The following MAPKAP1 variants were observed in gnomAD, a reference collection of about 807,000 sequenced individuals.
MAPKAP1 encodes MAPK associated protein 1.
Under a neutral mutation model 65.7 loss-of-function variants are expected in MAPKAP1, and 20 were observed. The ratio of observed to expected loss-of-function variants is 0.30; its 90% confidence interval spans 0.21 to 0.44. The LOEUF is 0.44. Ranked by LOEUF, MAPKAP1 falls within the 20% of genes least tolerant of loss-of-function variation. MAPKAP1 has a pLI of 1.00. For synonymous variants in MAPKAP1, 222 were observed against 244.3 expected (o/e 0.91, Z 0.85); for missense variants, 423 against 648.0 (o/e 0.65, Z 3.77).
At chr9:125,456,630 C>T (rs983225883) in intron 10 of MAPKAP1, among the ~76,000 whole-genome samples, 2 of 152,232 alleles carry the variant, frequency 1.3e-5, no homozygotes, top group African/African-American at 2.4e-5. Context: ...CTAGCACTCT[C>T]TCACTCTTGC....
At chr9:125,594,388 G>A (rs375200228) in intron 4 of MAPKAP1, among the ~76,000 whole-genome samples, 21 of 152,128 alleles carry the variant, frequency 1.4e-4, no homozygotes, top group Non-Finnish European at 2.8e-4. Context: ...GCACAGACTC[G>A]GGGTCAGCTA....
intron 5 of MAPKAP1, among the ~76,000 whole-genome samples, chr9:125,562,609 ATT>A (rs1474929560): frequency 1.3e-5 from 2 of 152,202 alleles, no homozygotes; most frequent in Non-Finnish European, 2.9e-5. Context: ...CTACTGTGAT[ATT>A]TTGACTTCTA....
In MAPKAP1 at chr9:125,441,111, T is replaced by TA. The variant is rs1351902520; in HGVS notation, c.1444-2100dup. The stretch of plus-strand genomic sequence containing the variant: ...AAAACTGGCACAATTTTATGCACTA[T>TA]AGAGTGTTTCATTTTCAACGCATTT... On this transcript the variant is annotated intron_variant, in intron 11 of 11. Transcript: ENST00000265960. 2.0e-5 allele frequency among the ~76,000 whole-genome samples: 3 copies of TA among 152,354 alleles called. No homozygotes were observed. In the South Asian group the frequency reaches 6.2e-4, roughly 32 times the overall value.
In MAPKAP1 at chr9:125,458,827, C is replaced by T. The variant is rs1194892090; in HGVS notation, c.1345+9145G>A. Among the ~76,000 whole-genome samples the T allele has an allele frequency of 2.7e-3, 202 of 74,836 alleles. 1 individual carries two copies. The highest frequency in any genetic ancestry group is 3.9e-3 in the Non-Finnish European group (142 of 36,028). 49.1% of individuals were successfully genotyped at this position (74,836 alleles called of 152,430 possible). A position where few individuals can be genotyped will look rare whatever the true frequency, so the allele number is the denominator to read the frequency against. The stretch of plus-strand genomic sequence containing the variant: ...GGCGCCCCTCACCTCCCGGACGGGG[C>T]GGCTGGCCGGGTGGGGGGCTGACCC... On this transcript the variant is annotated intron_variant, in intron 10 of 11. Transcript: ENST00000265960.
At chr9:125,691,216 G>A (rs549433504) in intron 1 of MAPKAP1, among the ~76,000 whole-genome samples, 13 of 152,064 alleles carry the variant, frequency 8.5e-5, no homozygotes, top group Non-Finnish European at 1.9e-4. Context: ...AGCCGAGATC[G>A]CGCCACTGCA....
chr9:125,554,794 C>CAAAAA (rs56911891), intron 6 of MAPKAP1, among the ~76,000 whole-genome samples: 29 of 65,570 alleles, frequency 4.4e-4, no homozygotes, highest in African/African-American at 5.8e-4. Flanking sequence ...AGACACTTAT[C>CAAAAA]AAAAAAAAAA....
chr9:125,445,755 G>C (rs916129282), intron 10 of MAPKAP1, among the ~76,000 whole-genome samples: 1 of 152,254 alleles, frequency 6.6e-6, no homozygotes, highest in African/African-American at 2.4e-5. Flanking sequence ...CCGGCCTATC[G>C]GCACTGTTAT....
rs187366850 is a variant in MAPKAP1, at chr9:125,479,186, A to G, written c.1207+5257T>C. On this transcript the variant is annotated intron_variant, in intron 9 of 11. Transcript: ENST00000265960. ...GTGCTTGGCACACAGTAAGCACTTG[A>G]TAATAACTGCTTTGTAAAAATTCTA... is the stretch of plus-strand genomic sequence containing the variant. 1.2e-4 allele frequency among the ~76,000 whole-genome samples: 19 copies of G among 152,362 alleles called. 1 individual carries two copies. In the East Asian group the frequency reaches 3.5e-3, roughly 28 times the overall value.
At chr9:125,517,776 CA>C (rs764363633) in intron 7 of MAPKAP1, among the ~76,000 whole-genome samples, 16 of 152,304 alleles carry the variant, frequency 1.1e-4, no homozygotes, top group Admixed American at 6.5e-4. Flanking sequence ...ATCCTTTTGG[CA>C]TATCCCCTCC....
At chr9:125,526,761 T>C (rs2133127574) in intron 7 of MAPKAP1, among the ~76,000 whole-genome samples, 1 of 151,896 alleles carries the variant, frequency 6.6e-6, no homozygotes, top group Admixed American at 6.5e-5. Flanking sequence ...AAGTAGCATA[T>C]ATATAGTTTT....
At chr9:125,460,358 T>C (rs1361618761) in intron 10 of MAPKAP1, among the ~76,000 whole-genome samples, 1 of 151,722 alleles carries the variant, frequency 6.6e-6, no homozygotes, top group Non-Finnish European at 1.5e-5. Flanking sequence ...CTAACAAATA[T>C]CAATATTCCA....
intron 9 of MAPKAP1, among the ~76,000 whole-genome samples, chr9:125,482,530 A>G (rs1712203113): frequency 6.6e-6 from 1 of 152,242 alleles, no homozygotes; most frequent in Non-Finnish European, 1.5e-5. Flanking sequence ...ACACTAAATA[A>G]GCAATTTCAC....
chr9:125,614,235 A>G (rs558002450), intron 4 of MAPKAP1, among the ~76,000 whole-genome samples: 1 of 152,356 alleles, frequency 6.6e-6, no homozygotes, highest in Non-Finnish European at 1.5e-5. Context: ...AAACCAACCC[A>G]GCAAGATATA....
At chr9:125,655,240 GA>G (rs1379515758) in intron 4 of MAPKAP1, among the ~76,000 whole-genome samples, 8 of 151,682 alleles carry the variant, frequency 5.3e-5, no homozygotes, top group South Asian at 4.2e-4. Context: ...AATATGAGCC[GA>G]AAAAAAATAA....
rs576496748 is a variant in MAPKAP1, at chr9:125,657,478, G to A, written c.498+173C>T. On this transcript the variant is annotated intron_variant, in intron 4 of 11. Coordinates refer to ENST00000265960, the MANE Select transcript of MAPKAP1 (RefSeq NM_001006617.3). The stretch of plus-strand genomic sequence containing the variant: ...AATATATTACTGTGGAAACAATACT[G>A]AACCCAAATTCATACCTTTACATCA... 2.0e-5 allele frequency among the ~76,000 whole-genome samples: 3 copies of A among 152,120 alleles called. No homozygotes were observed. In the South Asian group the frequency reaches 6.2e-4, roughly 32 times the overall value.
At chr9:125,582,953 A>C (rs1182072419) in intron 5 of MAPKAP1, among the ~76,000 whole-genome samples, 1 of 152,190 alleles carries the variant, frequency 6.6e-6, no homozygotes, top group African/African-American at 2.4e-5. Flanking sequence ...GCTGCCCTGA[A>C]GCCTGAGAAA....
At chr9:125,611,332 G>A (rs1272057873) in intron 4 of MAPKAP1, among the ~76,000 whole-genome samples, 1 of 152,168 alleles carries the variant, frequency 6.6e-6, no homozygotes, top group African/African-American at 2.4e-5. Flanking sequence ...CCACAGCTGA[G>A]GAGAGAATCT....
At chr9:125,616,423 A>T (rs1436496711) in intron 4 of MAPKAP1, among the ~76,000 whole-genome samples, 1 of 152,230 alleles carries the variant, frequency 6.6e-6, no homozygotes, top group East Asian at 1.9e-4. Flanking sequence ...GACAAGTCAC[A>T]AACCAGGAGA....
rs918265461 is a variant in MAPKAP1, at chr9:125,468,198, T to A, written c.1208-89A>T. 7.1e-6 allele frequency: 10 copies of A among 1,408,762 alleles called. No individual in the cohort carries two copies. The African/African-American group carries it at 1.4e-4, about 20-fold the overall frequency. The allele number at this position is 1,408,762 out of a possible 1,614,324, so 87.3% of individuals were successfully genotyped here. A position where few individuals can be genotyped will look rare whatever the true frequency, so the allele number is the denominator to read the frequency against. On this transcript the variant is annotated intron_variant, in intron 9 of 11. Transcript: ENST00000265960. ...GAAATCATTTGACCTGTTTTATAAA[T>A]CTGAAATTGCATGAACGTGAGCTCT...
Sources: gnomAD v4.1 joint callset for allele counts (sites outside exome capture counted in the v4.1 genomes callset) on GRCh38, gnomAD v4.1.1 for gene constraint, MANE v1.5 for transcripts, NCBI Gene and HGNC (gene_info 2026-07-23, HGNC 2026-07-21) for gene names.